PPP1R14C: variants seen among roughly 807,000 people sequenced by gnomAD.
The protein encoded by PPP1R14C is protein phosphatase 1 regulatory subunit 14C.
A neutral mutation model predicts 20.4 loss-of-function variants in PPP1R14C; 16 were observed. The observed-to-expected ratio is 0.78, with a 90% CI of 0.53 to 1.19. The LOEUF is 1.19. Ranked by LOEUF, PPP1R14C falls within the 50% of genes most tolerant of loss-of-function variation. The pLI is 0.00. For synonymous variants in PPP1R14C, 91 were observed against 91.0 expected (o/e 1.00, Z 0.00); for missense variants, 211 against 220.1 (o/e 0.96, Z 0.26).
chr6:150,168,263 G>A (rs1311549731), intron 1 of PPP1R14C, among the ~76,000 whole-genome samples: 3 of 149,672 alleles, frequency 2.0e-5, no homozygotes, highest in Admixed American at 6.7e-5. Context: ...TCGGCCGGGC[G>A]CGGTGGCTCA....
At chr6:150,192,917 G>A (rs1777763345) in intron 1 of PPP1R14C, among the ~76,000 whole-genome samples, 1 of 152,164 alleles carries the variant, frequency 6.6e-6, no homozygotes, top group South Asian at 2.1e-4. Context: ...CATGGCCTGG[G>A]TCTTGGGACC....
intron 1 of PPP1R14C, chr6:150,194,664 G>A: frequency 1.0e-6 from 1 of 985,368 alleles, no homozygotes; most frequent in Non-Finnish European, 1.2e-6. Flanking sequence ...CTCGCCTTTA[G>A]CACAAACAGT....
chr6:150,156,746 A>C (rs1582895976), intron 1 of PPP1R14C, among the ~76,000 whole-genome samples: 1 of 152,218 alleles, frequency 6.6e-6, no homozygotes, highest in Non-Finnish European at 1.5e-5. Context: ...AGCACCCTAG[A>C]AATATTAAAA....
intron 3 of PPP1R14C, among the ~76,000 whole-genome samples, chr6:150,222,795 G>A (rs1778185855): frequency 1.5e-5 from 1 of 66,752 alleles, no homozygotes. Flanking sequence ...TTTTTGTGGT[G>A]GGGTCTTGCT....
chr6:150,220,522 T>C (rs9397206), intron 3 of PPP1R14C, among the ~76,000 whole-genome samples: 9,438 of 152,272 alleles, frequency 0.062, 401 homozygotes, highest in East Asian at 0.16. Flanking sequence ...TGATGAATGA[T>C]GTAGATGAAT....
intron 3 of PPP1R14C, among the ~76,000 whole-genome samples, chr6:150,227,876 CAT>C (rs1252910147): frequency 3.9e-5 from 6 of 152,190 alleles, no homozygotes; most frequent in East Asian, 1.9e-4. Flanking sequence ...TAGCCAGAAA[CAT>C]GTGTAGCTTT....
At chr6:150,190,206 G>A (rs144594107) in intron 1 of PPP1R14C, among the ~76,000 whole-genome samples, 142 of 151,998 alleles carry the variant, frequency 9.3e-4, no homozygotes, top group Non-Finnish European at 1.3e-3. Context: ...GCCTGGACGC[G>A]TTTATGAAAC....
intron 3 of PPP1R14C, among the ~76,000 whole-genome samples, chr6:150,226,761 C>T (rs1274829411): frequency 2.0e-5 from 3 of 151,800 alleles, no homozygotes; most frequent in Non-Finnish European, 1.5e-5. Context: ...TCAAATTATA[C>T]AATGATATCA....
chr6:150,206,081 A>C (rs1777946350), intron 1 of PPP1R14C, among the ~76,000 whole-genome samples: 1 of 151,874 alleles, frequency 6.6e-6, no homozygotes, highest in African/African-American at 2.4e-5. Context: ...CCCAACTCTG[A>C]TACAGTGACC....
rs11968049 is a variant in PPP1R14C at position 150,212,908 on chromosome 6, A to C, written c.307-1836A>C. 2.8e-3 allele frequency among the ~76,000 whole-genome samples: 430 copies of C among 152,272 alleles called. 2 individuals carry two copies. The highest frequency in any genetic ancestry group is 0.01 in the African/African-American group (423 of 41,560). ...TAGGCTACGCCATCTAGGTTTGTGT[A>C]AGTTCACTCTGTGATGTTTGCCCAA... On this transcript the variant is annotated intron_variant, in intron 1 of 3. Transcript: ENST00000361131.
intron 1 of PPP1R14C, among the ~76,000 whole-genome samples, chr6:150,179,065 A>T (rs1235100951): frequency 6.6e-6 from 1 of 152,110 alleles, no homozygotes; most frequent in Non-Finnish European, 1.5e-5. Context: ...GGAGGAAGGG[A>T]GGCCTGGAAC....
intron 1 of PPP1R14C, among the ~76,000 whole-genome samples, chr6:150,174,029 G>A (rs1290943915): frequency 2.0e-4 from 5 of 24,870 alleles, no homozygotes; most frequent in African/African-American, 4.7e-4. Flanking sequence ...CCCCACCCCC[G>A]AGATTTGTTA....
chr6:150,155,339 G>A (rs1777294060), intron 1 of PPP1R14C, among the ~76,000 whole-genome samples: 1 of 152,110 alleles, frequency 6.6e-6, no homozygotes, highest in African/African-American at 2.4e-5. Flanking sequence ...CTTATTCTTT[G>A]TAATATTTAT....
chr6:150,231,904 T>C (rs981981078), intron 3 of PPP1R14C, among the ~76,000 whole-genome samples: 35 of 152,232 alleles, frequency 2.3e-4, no homozygotes, highest in African/African-American at 8.2e-4. Flanking sequence ...ACTCAGGCTG[T>C]ATTCAGTTTT....
At chr6:150,204,118 C>T (rs557243631) in intron 1 of PPP1R14C, among the ~76,000 whole-genome samples, 51 of 152,364 alleles carry the variant, frequency 3.3e-4, no homozygotes, top group Non-Finnish European at 5.7e-4. Context: ...GTGAGGGTGG[C>T]GGCCGCCTGG....
intron 1 of PPP1R14C, among the ~76,000 whole-genome samples, chr6:150,170,986 T>C (rs569048460): frequency 3.0e-4 from 45 of 152,234 alleles, no homozygotes; most frequent in Non-Finnish European, 5.7e-4. Context: ...GGAAGGTACC[T>C]TTCCTATGTA....
intron 3 of PPP1R14C, among the ~76,000 whole-genome samples, chr6:150,238,355 G>A (rs1344668756): frequency 2.6e-5 from 4 of 152,222 alleles, no homozygotes; most frequent in African/African-American, 9.6e-5. Flanking sequence ...AATTTCCCCG[G>A]AAGGAGTGAT....
rs1257067324 is a variant in PPP1R14C, at chr6:150,143,608, G to C, written c.306+110G>C. The C allele has an allele frequency of 8.9e-6, 7 of 789,424 alleles. No individual in the cohort carries two copies. The highest frequency in any genetic ancestry group is 1.4e-5 in the Non-Finnish European group (7 of 510,270). 48.9% of individuals were successfully genotyped at this position (789,424 alleles called of 1,614,324 possible). ...GGGCGCGCATGTCCCTGACTCCCGGGGACCAAGTGCCAGGAGCGAGGCGCG... is the reference window on the plus strand; with the variant it reads ...GGGCGCGCATGTCCCTGACTCCCGGCGACCAAGTGCCAGGAGCGAGGCGCG... On this transcript the variant is annotated intron_variant, in intron 1 of 3. Coordinates refer to ENST00000361131, the MANE Select transcript of PPP1R14C (RefSeq NM_030949.3). This position sits in a 1 kb window ranked among gnomAD's most constrained non-coding sequence, Gnocchi z 5.6.
intron 3 of PPP1R14C, among the ~76,000 whole-genome samples, chr6:150,229,252 C>G (rs1277790549): frequency 6.6e-6 from 1 of 152,188 alleles, no homozygotes; most frequent in African/African-American, 2.4e-5. Context: ...GCAAATAATA[C>G]ACTCCCTCAT....
Sources: allele counts gnomAD v4.1 joint callset (sites outside exome capture counted in the v4.1 genomes callset), GRCh38; gene constraint gnomAD v4.1.1; non-coding constraint Gnocchi (gnomAD v3.1); transcripts MANE v1.5; gene names NCBI Gene and HGNC (gene_info 2026-07-23, HGNC 2026-07-21).